CATSPER3: variants seen among roughly 807,000 people sequenced by gnomAD.
CATSPER3 encodes the protein cation channel sperm-associated protein 3.
CATSPER3 carries 23 observed loss-of-function variants against 36.6 expected under a neutral mutation model. The ratio of observed to expected loss-of-function variants is 0.63; its 90% CI spans 0.45 to 0.89. CATSPER3 has a LOEUF of 0.89. CATSPER3 is among the 40% of genes least tolerant of loss of function. The pLI is 0.00. For missense variants in CATSPER3, 474 were observed against 503.9 expected, an observed-to-expected ratio of 0.94 and a Z score of 0.57; for synonymous variants, 172 against 184.1, an observed-to-expected ratio of 0.93 and a Z score of 0.53.
chr5:134,988,495 G>C (rs943522963), intron 2 of CATSPER3, among the ~76,000 whole-genome samples: 4 of 152,120 alleles, frequency 2.6e-5, no homozygotes, highest in Non-Finnish European at 4.4e-5. Flanking sequence ...CGAAGTTTAC[G>C]GAATATTCTA....
At position 135,009,491 on chromosome 5, in the gene CATSPER3, G is replaced by T; in HGVS notation, c.936+1G>T. 2.8e-6 allele frequency: 4 copies of T among 1,413,238 alleles called. No homozygotes were observed. Among genetic ancestry groups the T allele is most frequent in the Non-Finnish European group, 3.7e-6 (4 of 1,076,670 alleles). 87.5% of individuals were successfully genotyped at this position (1,413,238 alleles called of 1,614,324 possible). ...GATCAGCAGGCTGATGCACATACAG[G>T]TGAGTGGCCCCTGCAGGCAGGTGGA... On this transcript the variant is annotated splice_donor_variant, in intron 6 of 7. Coordinates refer to ENST00000282611, the MANE Select transcript of CATSPER3 (RefSeq NM_178019.3). LOFTEE classifies it high-confidence loss of function.
chr5:134,991,308 G>A (rs559305115), intron 2 of CATSPER3, among the ~76,000 whole-genome samples: 3 of 152,124 alleles, frequency 2.0e-5, no homozygotes, highest in Non-Finnish European at 4.4e-5. Flanking sequence ...AATTCATATG[G>A]ATATGTAAAA....
chr5:135,001,704 T>C (rs1752022008), intron 3 of CATSPER3, among the ~76,000 whole-genome samples: 1 of 152,240 alleles, frequency 6.6e-6, no homozygotes, highest in African/African-American at 2.4e-5. Context: ...TTGATCCCTT[T>C]ACCATTATGT....
rs750454356 is a variant in CATSPER3 at position 134,996,257 on chromosome 5, C to T, written c.253-16C>T. On this transcript the variant is annotated splice_polypyrimidine_tract_variant and intron_variant, in intron 2 of 7. Coordinates refer to ENST00000282611, the MANE Select transcript of CATSPER3 (RefSeq NM_178019.3). ...GCAGCTCGATCTGACTTCTCCAACC[C>T]TTGCTACCCCTGTAGTTCTCGGAGA... 2 of 1,614,112 alleles carry T rather than the reference C, an allele frequency of 1.2e-6. No individual in the cohort carries two copies. Among genetic ancestry groups the T allele is most frequent in the Admixed American group, 1.7e-5 (1 of 60,010 alleles).
intron 2 of CATSPER3, among the ~76,000 whole-genome samples, chr5:134,976,638 A>C (rs1751678369): frequency 6.6e-6 from 1 of 152,100 alleles, no homozygotes; most frequent in Non-Finnish European, 1.5e-5. Context: ...CCTAGTGGAG[A>C]CTGTGTGGGG....
chr5:134,972,409 C>T (rs985354304), intron 2 of CATSPER3, among the ~76,000 whole-genome samples: 4 of 151,896 alleles, frequency 2.6e-5, no homozygotes, highest in African/African-American at 7.2e-5. Context: ...TTAAAACAAG[C>T]CAGATGTTTA....
chr5:134,995,103 G>C (rs1751928799), intron 2 of CATSPER3, among the ~76,000 whole-genome samples: 3 of 151,416 alleles, frequency 2.0e-5, no homozygotes, highest in Admixed American at 6.6e-5. Context: ...ATCAAATCAG[G>C]ATAATTGCCT....
chr5:134,969,794 C>T (rs1751579251), intron 1 of CATSPER3, 145 bp from the exon 2 acceptor site: 2 of 825,438 alleles, frequency 2.4e-6, no homozygotes, highest in Non-Finnish European at 2.0e-6. Flanking sequence ...ATTTATTCAA[C>T]ATCTCATTGC....
chr5:134,999,765 T>G (rs1751996848), intron 3 of CATSPER3, among the ~76,000 whole-genome samples: 1 of 152,234 alleles, frequency 6.6e-6, no homozygotes, highest in Non-Finnish European at 1.5e-5. Context: ...TTTTGTATCC[T>G]GAGACTTTGC....
intron 2 of CATSPER3, among the ~76,000 whole-genome samples, chr5:134,987,231 A>G (rs1285883119): frequency 6.6e-6 from 1 of 152,242 alleles, no homozygotes; most frequent in African/African-American, 2.4e-5. Flanking sequence ...ATAAGCAATT[A>G]TATGCCAACA....
chr5:134,986,821 TA>T (rs1390704907), intron 2 of CATSPER3, among the ~76,000 whole-genome samples: 1 of 152,056 alleles, frequency 6.6e-6, no homozygotes, highest in Non-Finnish European at 1.5e-5. Flanking sequence ...TTAGAAAATA[TA>T]AGATGAAAAT....
chr5:134,993,935 G>C (rs944749770), intron 2 of CATSPER3, among the ~76,000 whole-genome samples: 1 of 152,134 alleles, frequency 6.6e-6, no homozygotes, highest in Non-Finnish European at 1.5e-5. Context: ...GATCAGCCTG[G>C]CCAACATGGT....
At chr5:134,996,207 G>T in intron 2 of CATSPER3, 66 bp from the exon 3 acceptor site, 1 of 1,610,628 alleles carries the variant, frequency 6.2e-7, no homozygotes. Flanking sequence ...CTCACGCAGG[G>T]AGCAGGCCAG....
rs751795550 is a variant in CATSPER3 at position 134,978,723 on chromosome 5, C to CT, written c.252+8645dup. On this transcript the variant is annotated intron_variant, in intron 2 of 7. Coordinates refer to ENST00000282611, the MANE Select transcript of CATSPER3 (RefSeq NM_178019.3). Reference sequence around the variant, plus strand: ...AGTTAGGAAAGTTTTGTTATATTTTCTTTTTTTTTTTTTTGAGACAGAGTC... The same window carrying CT: ...AGTTAGGAAAGTTTTGTTATATTTTCTTTTTTTTTTTTTTTGAGACAGAGTC... Among the ~76,000 whole-genome samples, 616 of 142,114 alleles carry CT rather than the reference C, an allele frequency of 4.3e-3. 4 individuals are homozygous for CT. The highest frequency in any genetic ancestry group is 8.4e-3 in the East Asian group (41 of 4,900). The allele number at this position is 142,114 out of a possible 152,430, so 93.2% of individuals were successfully genotyped here.
intron 2 of CATSPER3, among the ~76,000 whole-genome samples, chr5:134,978,437 T>C (rs1468565685): frequency 6.6e-6 from 1 of 152,164 alleles, no homozygotes; most frequent in Non-Finnish European, 1.5e-5. Flanking sequence ...AATTATTATA[T>C]GTCAATTAAA....
At chr5:134,987,613 C>T (rs1751827512) in intron 2 of CATSPER3, among the ~76,000 whole-genome samples, 1 of 152,010 alleles carries the variant, frequency 6.6e-6, no homozygotes, top group Non-Finnish European at 1.5e-5. Context: ...TTATACACCA[C>T]GATCAAGTGG....
At chr5:134,972,114 C>A (rs930993794) in intron 2 of CATSPER3, among the ~76,000 whole-genome samples, 1 of 152,114 alleles carries the variant, frequency 6.6e-6, no homozygotes, top group African/African-American at 2.4e-5. Flanking sequence ...CTGAGCATCC[C>A]GAATTTGAAA....
chr5:135,000,704 G>C (rs1580912922), intron 3 of CATSPER3, among the ~76,000 whole-genome samples: 1 of 152,294 alleles, frequency 6.6e-6, no homozygotes, highest in South Asian at 2.1e-4. Context: ...TAGTTTATTT[G>C]TGTAGAGGTG....
At chr5:134,971,745 A>T (rs953608853) in intron 2 of CATSPER3, among the ~76,000 whole-genome samples, 1 of 152,180 alleles carries the variant, frequency 6.6e-6, no homozygotes, top group Non-Finnish European at 1.5e-5. Context: ...CTTTTTAAAG[A>T]CAGGATCCCA....
Sources: gnomAD v4.1 joint callset for allele counts (sites outside exome capture counted in the v4.1 genomes callset) on GRCh38, gnomAD v4.1.1 for gene constraint, MANE v1.5 for transcripts, NCBI Gene and HGNC (gene_info 2026-07-23, HGNC 2026-07-21) for gene names.